The following XPR1 variants were observed in gnomAD, a reference collection of about 807,000 sequenced individuals.
The protein encoded by XPR1 is solute carrier family 53 member 1.
XPR1 carries 28 observed loss-of-function variants against 87.5 expected under a neutral mutation model. The observed-to-expected ratio is 0.32, with a 90% confidence interval of 0.24 to 0.44. The LOEUF (loss-of-function observed/expected upper bound fraction) is 0.44. Ranked by LOEUF, XPR1 falls within the 20% of genes least tolerant of loss-of-function variation. The probability of loss-of-function intolerance (pLI) is 1.00; values close to 1 mark genes in which losing one functional copy is unlikely to be tolerated. For synonymous variants in XPR1, 300 were observed against 306.1 expected (o/e 0.98, Z 0.21); for missense variants, 559 against 862.3 (o/e 0.65, Z 4.41).
intron 2 of XPR1, among the ~76,000 whole-genome samples, chr1:180,731,182 G>A (rs886910818): frequency 3.3e-5 from 5 of 152,158 alleles, no homozygotes. Context: ...AACCACATAT[G>A]CAGTTTAAAA....
At chr1:180,827,851 A>T (rs1650905950) in intron 9 of XPR1, among the ~76,000 whole-genome samples, 1 of 150,114 alleles carries the variant, frequency 6.7e-6, no homozygotes, top group African/African-American at 2.5e-5. Context: ...ATCCTAAAGT[A>T]AAAGTACATT....
At chr1:180,670,262 A>G (rs932874489) in intron 1 of XPR1, among the ~76,000 whole-genome samples, 9 of 151,842 alleles carry the variant, frequency 5.9e-5, no homozygotes, top group Non-Finnish European at 1.3e-4. Flanking sequence ...TAATTATGTC[A>G]TTTTCCAATT....
intron 11 of XPR1, among the ~76,000 whole-genome samples, chr1:180,856,305 T>TA (rs755610174): frequency 1.1e-3 from 168 of 146,538 alleles, no homozygotes; most frequent in South Asian, 1.1e-3. Context: ...TCTTTGGTAT[T>TA]AAAAAAAAAA....
intron 1 of XPR1, among the ~76,000 whole-genome samples, chr1:180,651,000 A>G (rs1158387848): frequency 6.6e-6 from 1 of 152,136 alleles, no homozygotes; most frequent in Non-Finnish European, 1.5e-5. Context: ...ACAGATATTT[A>G]TTTTAAGGTA....
intron 2 of XPR1, among the ~76,000 whole-genome samples, chr1:180,783,628 A>G (rs1022131495): frequency 5.9e-5 from 9 of 152,056 alleles, no homozygotes; most frequent in Non-Finnish European, 1.3e-4. Context: ...TTTTTCCTCA[A>G]CAATGTTTCT....
chr1:180,661,207 T>A (rs1275018212), intron 1 of XPR1, among the ~76,000 whole-genome samples: 3 of 152,176 alleles, frequency 2.0e-5, no homozygotes, highest in Non-Finnish European at 4.4e-5. Context: ...GAATAATCTT[T>A]TTCCATTCCT....
chr1:180,854,617 G>T (rs556845542), intron 11 of XPR1, among the ~76,000 whole-genome samples: 68 of 152,278 alleles, frequency 4.5e-4, no homozygotes, highest in African/African-American at 1.4e-3. Flanking sequence ...ACCTATCGTG[G>T]CAAAAGCACG....
At chr1:180,657,752 A>G (rs1321420901) in intron 1 of XPR1, among the ~76,000 whole-genome samples, 3 of 152,058 alleles carry the variant, frequency 2.0e-5, no homozygotes, top group Admixed American at 2.0e-4. Context: ...TTTGCTCAGG[A>G]TTGCTTTGGC....
intron 1 of XPR1, among the ~76,000 whole-genome samples, chr1:180,654,060 G>A (rs1036047653): frequency 6.6e-6 from 1 of 152,098 alleles, no homozygotes; most frequent in Non-Finnish European, 1.5e-5. Flanking sequence ...GGTAAAATGG[G>A]AATTGTTTAC....
intron 2 of XPR1, among the ~76,000 whole-genome samples, chr1:180,736,561 T>G (rs1658737360): frequency 6.6e-6 from 1 of 152,198 alleles, no homozygotes; most frequent in Non-Finnish European, 1.5e-5. Context: ...TAGGGCTTGT[T>G]TCTCTAATGT....
At chr1:180,773,852 G>A (rs1339534786) in intron 2 of XPR1, among the ~76,000 whole-genome samples, 1 of 152,138 alleles carries the variant, frequency 6.6e-6, no homozygotes, top group African/African-American at 2.4e-5. Context: ...TTAGAAATTA[G>A]TTAAGGTTTA....
In XPR1 at chr1:180,800,481, C is replaced by T. The variant is rs531080745; in HGVS notation, c.224-2907C>T. ...TACAAAAAACTGAATTCTGCCACAA[C>T]CAAGTGAGCTTGAATGTGAGCTTGA... On this transcript the variant is annotated intron_variant, in intron 3 of 14. Coordinates refer to ENST00000367590, the MANE Select transcript of XPR1 (RefSeq NM_004736.4). Among the ~76,000 whole-genome samples the T allele has an allele frequency of 2.3e-3, 346 of 152,312 alleles. 2 individuals are homozygous for T. The highest frequency in any genetic ancestry group is 3.1e-3 in the Non-Finnish European group (213 of 68,032).
chr1:180,646,806 A>G (rs768245097), intron 1 of XPR1, among the ~76,000 whole-genome samples: 5 of 152,188 alleles, frequency 3.3e-5, no homozygotes, highest in Non-Finnish European at 7.3e-5. Flanking sequence ...TGGGCCATGC[A>G]TGGACTGAAA....
chr1:180,881,636 A>T (rs1277758163), intron 14 of XPR1, among the ~76,000 whole-genome samples: 1 of 152,216 alleles, frequency 6.6e-6, no homozygotes, highest in Non-Finnish European at 1.5e-5. Flanking sequence ...TCAGATCAGG[A>T]TGCTTACTGT....
chr1:180,802,193 TAA>T (rs57495794), intron 3 of XPR1, among the ~76,000 whole-genome samples: 2 of 145,098 alleles, frequency 1.4e-5, no homozygotes, highest in Non-Finnish European at 3.0e-5. Context: ...GAAGAGTTAT[TAA>T]AAAAAAAAAA....
At chr1:180,674,319 C>T (rs978220220) in intron 1 of XPR1, among the ~76,000 whole-genome samples, 3 of 152,164 alleles carry the variant, frequency 2.0e-5, no homozygotes, top group African/African-American at 7.2e-5. Context: ...AGTGCAGTGG[C>T]ACGATCTCGG....
chr1:180,782,566 G>A (rs1648981734), intron 2 of XPR1, among the ~76,000 whole-genome samples: 2 of 151,924 alleles, frequency 1.3e-5, no homozygotes, highest in South Asian at 2.1e-4. Flanking sequence ...TGTGTTGGGC[G>A]GGGGCAGTGG....
chr1:180,863,363 C>T (rs986143918), intron 11 of XPR1, among the ~76,000 whole-genome samples: 7 of 152,112 alleles, frequency 4.6e-5, no homozygotes, highest in Admixed American at 2.0e-4. Flanking sequence ...ATATTTTGCA[C>T]TAGGCTGCCA....
chr1:180,830,019 C>G (rs936309050), intron 9 of XPR1, among the ~76,000 whole-genome samples: 1 of 152,056 alleles, frequency 6.6e-6, no homozygotes, highest in South Asian at 2.1e-4. Flanking sequence ...GAAATTTGTC[C>G]TAGGCTACCA....
Sources: allele counts gnomAD v4.1 joint callset (sites outside exome capture counted in the v4.1 genomes callset), GRCh38; gene constraint gnomAD v4.1.1; transcripts MANE v1.5; gene names NCBI Gene and HGNC (gene_info 2026-07-23, HGNC 2026-07-21).